The following PCDHA8 variants were observed in gnomAD, a reference collection of about 807,000 sequenced individuals.
PCDHA8 encodes protocadherin alpha-8.
A neutral mutation model predicts 61.8 loss-of-function variants in PCDHA8; 53 were observed. That is an observed-to-expected ratio of 0.86 (90% CI 0.69 to 1.08). PCDHA8 has a LOEUF of 1.08. Ranked by LOEUF, PCDHA8 falls within the 50% of genes least tolerant of loss-of-function variation. PCDHA8 has a pLI of 0.00. For synonymous variants in PCDHA8, 618 were observed against 556.6 expected (o/e 1.11, Z -1.55); for missense variants, 1,293 against 1,245.0 (o/e 1.04, Z -0.58).
At chr5:140,969,149 G>T (rs782510891) in intron 1 of PCDHA8, 9 of 1,614,120 alleles carry the variant, frequency 5.6e-6, no homozygotes, top group Admixed American at 1.7e-5. Context: ...CTGCTACAAG[G>T]CCTGTCTGAC....
chr5:140,908,155 G>A (rs559304647), intron 1 of PCDHA8, among the ~76,000 whole-genome samples: 3 of 152,312 alleles, frequency 2.0e-5, no homozygotes, highest in East Asian at 3.9e-4. Flanking sequence ...TCCTAGGAAG[G>A]GGCTGTAGTG....
intron 1 of PCDHA8, among the ~76,000 whole-genome samples, chr5:140,897,735 C>G (rs2066294879): frequency 6.6e-6 from 1 of 152,160 alleles, no homozygotes; most frequent in Non-Finnish European, 1.5e-5. Flanking sequence ...AATAGTATTT[C>G]TAGTTCTAGA....
intron 1 of PCDHA8, among the ~76,000 whole-genome samples, chr5:140,907,524 C>T (rs562373233): frequency 2.6e-5 from 4 of 152,314 alleles, no homozygotes; most frequent in Non-Finnish European, 4.4e-5. Flanking sequence ...GAGGACAAAT[C>T]GCTGCCCTTT....
At chr5:141,003,122 C>A (rs782642950) in intron 3 of PCDHA8, among the ~76,000 whole-genome samples, 57 of 152,318 alleles carry the variant, frequency 3.7e-4, no homozygotes, top group African/African-American at 9.6e-4. Context: ...TGGCCCTTTC[C>A]TGGCATTTGC....
In PCDHA8 at chr5:140,874,725, T is replaced by C. The variant is rs181567985; in HGVS notation, c.2394+31010T>C. Among the ~76,000 whole-genome samples, 426 of 152,372 alleles carry C rather than the reference T, an allele frequency of 2.8e-3. 2 individuals are homozygous for C. Among genetic ancestry groups the C allele is most frequent in the Middle Eastern group, 0.014 (4 of 294 alleles). On this transcript the variant is annotated intron_variant, in intron 1 of 3. Transcript: ENST00000531613. The stretch of plus-strand genomic sequence containing the variant: ...ATGAGAGCAGTTATGTGAAAAGTTA[T>C]CACATTCAAGCATCAAGGAACCAAA...
intron 1 of PCDHA8, among the ~76,000 whole-genome samples, chr5:140,952,079 C>A (rs2094682960): frequency 6.6e-6 from 1 of 152,162 alleles, no homozygotes; most frequent in South Asian, 2.1e-4. Flanking sequence ...TTCATTGACT[C>A]CATGTCTCAC....
intron 1 of PCDHA8, chr5:140,857,098 T>G: frequency 6.3e-7 from 1 of 1,597,572 alleles, no homozygotes; most frequent in Non-Finnish European, 8.6e-7. Context: ...CTGAGGTGAT[T>G]GTCACTTCTC....
At position 140,843,225 on chromosome 5, in the gene PCDHA8, G is replaced by C; in HGVS notation, c.1904G>C (p.Arg635Pro). ...TACACGGGCGAGATCAGCACCACTC[G>C]TGTCCTGGACGAAGCGGACTCTCCG... ...GLYTGEISTT[R>P]VLDEADSPRH... Residue 635 changes from arginine (R) to proline (P), a missense_variant, in exon 1 of 4, where the codon CGT becomes CCT. Arg to Pro is a moderately radical substitution (Grantham distance 103). Coordinates refer to ENST00000531613, the MANE Select transcript of PCDHA8 (RefSeq NM_018911.3). The C allele has an allele frequency of 1.3e-6, 2 of 1,596,120 alleles. No homozygotes were observed. Among genetic ancestry groups the C allele is most frequent in the Non-Finnish European group, 1.7e-6 (2 of 1,165,634 alleles).
intron 1 of PCDHA8, chr5:140,877,520 C>T (rs2057180531): frequency 6.2e-7 from 1 of 1,613,784 alleles, no homozygotes; most frequent in Non-Finnish European, 8.5e-7. Context: ...TCGCGGGCCT[C>T]AGTGGGCGCT....
chr5:140,880,978 T>A lies in PCDHA8; in HGVS notation c.2394+37263T>A, dbSNP rs570855539. Among the ~76,000 whole-genome samples the A allele has an allele frequency of 3.6e-4, 55 of 152,312 alleles. No individual in the cohort carries two copies. The South Asian group carries it at 9.1e-3, about 25-fold the overall frequency. On this transcript the variant is annotated intron_variant, in intron 1 of 3. Coordinates refer to ENST00000531613, the MANE Select transcript of PCDHA8 (RefSeq NM_018911.3). ...ATGAGGGTAAGAGAATACCAAATACTCTGCCTAAATTTTCAGAGGAGAGCA... is the reference window on the plus strand; with the variant it reads ...ATGAGGGTAAGAGAATACCAAATACACTGCCTAAATTTTCAGAGGAGAGCA...
At chr5:140,967,159 G>A in intron 1 of PCDHA8, 2 of 1,610,752 alleles carry the variant, frequency 1.2e-6, no homozygotes, top group Non-Finnish European at 1.7e-6. Context: ...CCGTGGCGGT[G>A]AGCGCCGTTG....
intron 1 of PCDHA8, among the ~76,000 whole-genome samples, chr5:140,890,854 T>G (rs1320462436): frequency 6.6e-6 from 1 of 152,232 alleles, no homozygotes; most frequent in Non-Finnish European, 1.5e-5. Context: ...TTTCTCTTCC[T>G]TACTTCTTGC....
At chr5:140,940,349 C>T (rs1437069133) in intron 1 of PCDHA8, among the ~76,000 whole-genome samples, 14 of 152,156 alleles carry the variant, frequency 9.2e-5, no homozygotes, top group African/African-American at 2.9e-4. Flanking sequence ...GTGTGTCCAA[C>T]ATGCTATTAA....
chr5:140,869,878 A>T, intron 1 of PCDHA8: 1 of 1,610,122 alleles, frequency 6.2e-7, no homozygotes, highest in Non-Finnish European at 8.5e-7. Flanking sequence ...TGCTAAAGAA[A>T]CTCTTGTGCT....
intron 1 of PCDHA8, among the ~76,000 whole-genome samples, chr5:140,888,256 C>A (rs1454353322): frequency 6.6e-6 from 1 of 151,942 alleles, no homozygotes; most frequent in African/African-American, 2.4e-5. Context: ...AGCAGTAGTT[C>A]TTGATAAGAA....
At chr5:140,967,355 C>G in intron 1 of PCDHA8, 1 of 1,608,112 alleles carries the variant, frequency 6.2e-7, no homozygotes, top group Non-Finnish European at 8.5e-7. Context: ...CGAGCTGGAC[C>G]TTAAGCCCCT....
chr5:140,941,202 C>CCTTCCTTT (rs1554213920), intron 1 of PCDHA8, among the ~76,000 whole-genome samples: 107 of 122,824 alleles, frequency 8.7e-4, no homozygotes, highest in Admixed American at 4.2e-3. Flanking sequence ...TTTCTTTCTT[C>CCTTCCTTT]CTTTCTTTCT....
At chr5:140,851,995 T>C in intron 1 of PCDHA8, 2 of 976,422 alleles carry the variant, frequency 2.0e-6, no homozygotes, top group South Asian at 4.8e-5. Context: ...GCTATTTGTT[T>C]GTTTTCTAAT....
chr5:140,948,315 G>A (rs246048), intron 1 of PCDHA8, among the ~76,000 whole-genome samples: 85,363 of 151,182 alleles, frequency 0.56, 24,689 homozygotes, highest in African/African-American at 0.69. Context: ...TTCTTGAGGG[G>A]TAATGTTTTC....
Sources: allele counts gnomAD v4.1 joint callset (sites outside exome capture counted in the v4.1 genomes callset), GRCh38; gene constraint gnomAD v4.1.1; transcripts MANE v1.5; gene names NCBI Gene and HGNC (gene_info 2026-07-23, HGNC 2026-07-21).